The following MECOM variants were observed in gnomAD, a reference collection of about 807,000 sequenced individuals.
MECOM encodes MDS1 and EVI1 complex locus, also known as histone-lysine N-methyltransferase MECOM.
In MECOM, 13 loss-of-function variants were observed where a neutral mutation model predicts 116.3. The observed-to-expected ratio is 0.11, with a 90% CI of 0.07 to 0.18. MECOM has a LOEUF of 0.18. Ranked by LOEUF, MECOM falls within the 10% of genes least tolerant of loss-of-function variation. The probability of loss-of-function intolerance (pLI) is 1.00; values close to 1 mark genes in which losing one functional copy is unlikely to be tolerated. For missense variants in MECOM, 1,299 were observed against 1,509.0 expected (o/e 0.86, Z 2.31); for synonymous variants, 528 against 535.2 (o/e 0.99, Z 0.19).
chr3:169,631,494 G>T (rs914231192), intron 1 of MECOM, among the ~76,000 whole-genome samples: 1 of 151,578 alleles, frequency 6.6e-6, no homozygotes, highest in East Asian at 1.9e-4. Context: ...AAGTTTTAGG[G>T]TACATGTGCA....
chr3:169,146,420 G>T (rs1234758844), intron 2 of MECOM: 6 of 1,393,416 alleles, frequency 4.3e-6, no homozygotes, highest in Non-Finnish European at 5.7e-6. Flanking sequence ...ACGGAGGGAG[G>T]GGAAGGAGGA....
chr3:169,585,564 A>T (rs1765684013), intron 1 of MECOM, among the ~76,000 whole-genome samples: 1 of 152,216 alleles, frequency 6.6e-6, no homozygotes, highest in East Asian at 1.9e-4. Context: ...ACCAGGGCCA[A>T]GAACCAGGTA....
At chr3:169,447,027 G>A (rs1338338416) in intron 1 of MECOM, among the ~76,000 whole-genome samples, 1 of 152,132 alleles carries the variant, frequency 6.6e-6, no homozygotes, top group Non-Finnish European at 1.5e-5. Flanking sequence ...AATTTTTTAT[G>A]TTATGAAAAG....
At chr3:169,166,938 T>G (rs4955641) in intron 2 of MECOM, among the ~76,000 whole-genome samples, 22,858 of 152,068 alleles carry the variant, frequency 0.15, 2,085 homozygotes, top group East Asian at 0.42. Context: ...TATAAATTAT[T>G]GTATTATGTT....
At chr3:169,333,911 C>CCCTT (rs898924925) in intron 2 of MECOM, among the ~76,000 whole-genome samples, 3 of 139,710 alleles carry the variant, frequency 2.1e-5, no homozygotes, top group Non-Finnish European at 3.1e-5. Flanking sequence ...CTCCCTCCCT[C>CCCTT]CCTTCCTTCC....
intron 2 of MECOM, among the ~76,000 whole-genome samples, chr3:169,198,452 T>C (rs9864370): frequency 0.076 from 11,566 of 152,114 alleles, 514 homozygotes; most frequent in South Asian, 0.2. Flanking sequence ...CTGTGCTCTC[T>C]TTTTGTTTAA....
chr3:169,430,141 T>C (rs1052637009), intron 1 of MECOM, among the ~76,000 whole-genome samples: 2 of 152,182 alleles, frequency 1.3e-5, no homozygotes, highest in Non-Finnish European at 2.9e-5. Flanking sequence ...GGTAATTTGT[T>C]TTTCAATAAA....
At chr3:169,381,789 C>T (rs1732433598) in intron 1 of MECOM, among the ~76,000 whole-genome samples, 1 of 152,136 alleles carries the variant, frequency 6.6e-6, no homozygotes, top group Non-Finnish European at 1.5e-5. Context: ...AATTCATTAT[C>T]CATCTGGGAA....
In MECOM at chr3:169,102,104, C is replaced by A. The variant is rs979219131; in HGVS notation, c.2727G>T (p.Leu909=). Residue 909 remains leucine, a synonymous_variant, in exon 11 of 17, where the codon CTG becomes CTT. Transcript: ENST00000651503. ...TTCCCTTCCGCAGAAGGTTCTCTGG[C>A]AGGGCATTGGGAGGCGCCCTGAAGT... ...MFNFRAPPNA[L]PENLLRKGKE... The A allele has an allele frequency of 6.2e-7, 1 of 1,613,508 alleles. No individual in the cohort carries two copies. Among genetic ancestry groups the A allele is most frequent in the Non-Finnish European group, 8.5e-7 (1 of 1,179,776 alleles).
intron 2 of MECOM, among the ~76,000 whole-genome samples, chr3:169,216,570 T>C (rs895708962): frequency 7.0e-6 from 1 of 142,970 alleles, no homozygotes; most frequent in African/African-American, 2.7e-5. Flanking sequence ...ACACAAACCT[T>C]CTCTAGTAAA....
At chr3:169,373,776 T>G (rs1452589329) in intron 2 of MECOM, among the ~76,000 whole-genome samples, 1 of 151,958 alleles carries the variant, frequency 6.6e-6, no homozygotes, top group African/African-American at 2.4e-5. Flanking sequence ...AAGACTGGAT[T>G]ATACATGTCT....
intron 1 of MECOM, among the ~76,000 whole-genome samples, chr3:169,462,047 C>T (rs1018060664): frequency 9.2e-5 from 14 of 152,100 alleles, no homozygotes; most frequent in Non-Finnish European, 1.6e-4. Context: ...AATACACTAG[C>T]GTGTAACTGG....
At chr3:169,285,289 C>CTGCAGTTTTGACAGTGCTGTG (rs1359603544) in intron 2 of MECOM, among the ~76,000 whole-genome samples, 3 of 152,130 alleles carry the variant, frequency 2.0e-5, no homozygotes, top group African/African-American at 7.2e-5. Context: ...GCTTCTGTGG[C>CTGCAGTTTTGACAGTGCTGTG]GTTTTGACAG....
chr3:169,446,707 G>T (rs1301447666), intron 1 of MECOM, among the ~76,000 whole-genome samples: 2 of 152,126 alleles, frequency 1.3e-5, no homozygotes, highest in African/African-American at 4.8e-5. Context: ...CCACTGTGAG[G>T]TCACTATTAC....
At chr3:169,474,149 T>C (rs771996933) in intron 1 of MECOM, among the ~76,000 whole-genome samples, 2 of 152,192 alleles carry the variant, frequency 1.3e-5, no homozygotes, top group Non-Finnish European at 2.9e-5. Context: ...GGGAGAGGTT[T>C]AAATAGACCT....
intron 2 of MECOM, among the ~76,000 whole-genome samples, chr3:169,322,919 A>G (rs1477038161): frequency 3.2e-5 from 3 of 92,438 alleles, no homozygotes; most frequent in African/African-American, 1.7e-4. Context: ...AATCACTTGA[A>G]CCCGGGGGGG....
intron 2 of MECOM, among the ~76,000 whole-genome samples, chr3:169,225,094 C>G (rs903297881): frequency 5.3e-5 from 8 of 152,054 alleles, no homozygotes; most frequent in African/African-American, 1.4e-4. Flanking sequence ...ATAATGCTAA[C>G]CAATTTATTG....
intron 1 of MECOM, among the ~76,000 whole-genome samples, chr3:169,626,316 A>G (rs1361338526): frequency 6.6e-6 from 1 of 152,238 alleles, no homozygotes; most frequent in Non-Finnish European, 1.5e-5. Flanking sequence ...AAATTTCTCT[A>G]TGTCTGACTG....
At chr3:169,221,683 G>C (rs1752155250) in intron 2 of MECOM, among the ~76,000 whole-genome samples, 2 of 151,860 alleles carry the variant, frequency 1.3e-5, no homozygotes. Context: ...CACAACTTTT[G>C]GCTGACGTGT....
Sources: gnomAD v4.1 joint callset for allele counts (sites outside exome capture counted in the v4.1 genomes callset) on GRCh38, gnomAD v4.1.1 for gene constraint, MANE v1.5 for transcripts, NCBI Gene and HGNC (gene_info 2026-07-23, HGNC 2026-07-21) for gene names.